Variants in DNAH11 observed in about 807,000 individuals in gnomAD.
The protein encoded by DNAH11 is axonemal beta dynein heavy chain 11.
In DNAH11, 442 loss-of-function variants were observed where a neutral mutation model predicts 526.0. That is an observed-to-expected ratio of 0.84 (90% CI 0.78 to 0.91). The LOEUF is 0.91. DNAH11 is among the 40% of genes least tolerant of loss of function. The pLI is 0.00. For missense variants in DNAH11, 6,989 were observed against 5,448.7 expected (o/e 1.28, Z -8.90); for synonymous variants, 2,461 against 1,935.9 (o/e 1.27, Z -7.12).
chr7:21,790,317 G>T (rs1411088904), intron 61 of DNAH11, among the ~76,000 whole-genome samples: 1 of 151,980 alleles, frequency 6.6e-6, no homozygotes, highest in East Asian at 1.9e-4. Flanking sequence ...GGGCGTCATG[G>T]CGGGTGACTG....
At chr7:21,558,415 A>G (rs1583479599) in intron 2 of DNAH11, among the ~76,000 whole-genome samples, 1 of 152,216 alleles carries the variant, frequency 6.6e-6, no homozygotes, top group Admixed American at 6.5e-5. Flanking sequence ...GCTTGAGAAG[A>G]TTAATTTACT....
At chr7:21,656,982 C>T (rs866586046) in intron 29 of DNAH11, among the ~76,000 whole-genome samples, 3 of 152,064 alleles carry the variant, frequency 2.0e-5, no homozygotes, top group South Asian at 4.2e-4. Context: ...AACTGCTCAC[C>T]GACTGGCATG....
At chr7:21,828,507 A>G (rs533816674) in intron 65 of DNAH11, among the ~76,000 whole-genome samples, 1 of 152,298 alleles carries the variant, frequency 6.6e-6, no homozygotes, top group South Asian at 2.1e-4. Flanking sequence ...GCATTCTCAC[A>G]TTCAGTCATC....
At position 21,880,879 on chromosome 7, in the gene DNAH11, G is replaced by C; in HGVS notation, c.12373G>C (p.Glu4125Gln). ...TGCCAGTGTCCTCTACAACTACTTA[G>C]AGGCAAACTCTAAAGTAAGTGCTAG... is the stretch of plus-strand genomic sequence containing the variant. ...ICASVLYNYL[E>Q]ANSKVPWEDL... Residue 4125 changes from glutamate to glutamine, a missense_variant, in exon 75 of 82, where the codon GAG becomes CAG. By Grantham distance (29) the Glu-to-Gln change is conservative. Transcript: ENST00000409508. The C allele has an allele frequency of 1.2e-6, 2 of 1,604,680 alleles. No individual in the cohort carries two copies. Among genetic ancestry groups the C allele is most frequent in the Non-Finnish European group, 8.5e-7 (1 of 1,177,684 alleles).
At chr7:21,730,841 C>A (rs887747872) in intron 45 of DNAH11, among the ~76,000 whole-genome samples, 1 of 151,866 alleles carries the variant, frequency 6.6e-6, no homozygotes, top group Non-Finnish European at 1.5e-5. Flanking sequence ...AGTATTCTTC[C>A]CATAAAAAAT....
rs1312861023 is a variant in DNAH11 at position 21,901,103 on chromosome 7, T to G, written c.13400T>G (p.Val4467Gly). 1 of 1,613,540 alleles carries G rather than the reference T, an allele frequency of 6.2e-7. No individual in the cohort carries two copies. The highest frequency in any genetic ancestry group is 1.7e-5 in the Admixed American group (1 of 59,940). Residue 4467 changes from valine to glycine, a missense_variant, in exon 82 of 82, where the codon GTG becomes GGG. Val to Gly is a moderately radical substitution (Grantham distance 109). Transcript: ENST00000409508. ...MPVIFAKATP[V>G]DRQETKQTYE... ...GTCATCTTTGCAAAAGCCACCCCCG[T>G]GGACAGACAAGAAACCAAACAGACC...
intron 28 of DNAH11, among the ~76,000 whole-genome samples, chr7:21,642,523 C>T (rs1787176212): frequency 6.6e-6 from 1 of 152,144 alleles, no homozygotes; most frequent in Non-Finnish European, 1.5e-5. Flanking sequence ...AACCACCAGA[C>T]TTAGTCTTTC....
chr7:21,777,908 T>C (rs1787748964), intron 56 of DNAH11, among the ~76,000 whole-genome samples: 1 of 152,232 alleles, frequency 6.6e-6, no homozygotes, highest in African/African-American at 2.4e-5. Context: ...TTCCACAAGA[T>C]GAAACCACTG....
At chr7:21,786,808 C>G in intron 59 of DNAH11, 41 bp downstream of exon 59, 1 of 1,610,596 alleles carries the variant, frequency 6.2e-7, no homozygotes, top group Non-Finnish European at 8.5e-7. Context: ...CTGATAATTT[C>G]CATACTGTTT....
At chr7:21,801,068 T>A (rs1173758337) in intron 61 of DNAH11, 69 bp from the exon 62 acceptor site, 3 of 1,508,600 alleles carry the variant, frequency 2.0e-6, no homozygotes, top group African/African-American at 2.8e-5. Flanking sequence ...GTAACAGATG[T>A]TTTAAGATGA....
chr7:21,553,504 C>T (rs924100623), intron 2 of DNAH11, among the ~76,000 whole-genome samples: 8 of 152,156 alleles, frequency 5.3e-5, no homozygotes, highest in East Asian at 1.9e-4. Flanking sequence ...TCTTCTCCCT[C>T]GGGTCCCACC....
At chr7:21,803,360 C>G (rs1789082290) in intron 62 of DNAH11, among the ~76,000 whole-genome samples, 1 of 152,178 alleles carries the variant, frequency 6.6e-6, no homozygotes, top group African/African-American at 2.4e-5. Context: ...TGCCCTCTGC[C>G]TCTCCACGCT....
chr7:21,554,485 T>C (rs902010616), intron 2 of DNAH11, among the ~76,000 whole-genome samples: 3 of 152,010 alleles, frequency 2.0e-5, no homozygotes, highest in Non-Finnish European at 2.9e-5. Flanking sequence ...CTTGGGATCA[T>C]TATTATCTCG....
In DNAH11 at chr7:21,637,649, AG is replaced by A; in HGVS notation, c.4765del (p.Glu1589LysfsTer35). ...AGACAGCCAAAGTAGAAAATGTGTT[AG>A]AAGCAACGTGCAGACCTAATCTCTA... ...FKTAKVENVL[E>X]ATCRPNLYEK... On this transcript the variant is annotated frameshift_variant, in exon 27 of 82. Transcript: ENST00000409508. LOFTEE classifies it high-confidence loss of function. The A allele has an allele frequency of 6.3e-7, 1 of 1,589,964 alleles. No individual in the cohort carries two copies. Among genetic ancestry groups the A allele is most frequent in the Non-Finnish European group, 8.6e-7 (1 of 1,167,302 alleles).
At chr7:21,556,999 G>A (rs1287854380) in intron 2 of DNAH11, among the ~76,000 whole-genome samples, 8 of 151,850 alleles carry the variant, frequency 5.3e-5, no homozygotes, top group Admixed American at 5.3e-4. Flanking sequence ...AGACATGGAG[G>A]ATGGAGTGAC....
At chr7:21,663,253 G>C (rs1562737651) in intron 30 of DNAH11, among the ~76,000 whole-genome samples, 1 of 151,998 alleles carries the variant, frequency 6.6e-6, no homozygotes, top group Non-Finnish European at 1.5e-5. Flanking sequence ...GATTCCGTAA[G>C]TTTGCTATTG....
intron 75 of DNAH11, among the ~76,000 whole-genome samples, chr7:21,882,840 TGAAAA>T (rs1415549130): frequency 1.3e-5 from 2 of 151,668 alleles, no homozygotes; most frequent in Admixed American, 6.6e-5. Context: ...AAATAATTAT[TGAAAA>T]GAACAGATAA....
chr7:21,889,754 C>G (rs1055664778), intron 76 of DNAH11, among the ~76,000 whole-genome samples: 2 of 152,182 alleles, frequency 1.3e-5, no homozygotes, highest in Admixed American at 6.5e-5. Flanking sequence ...ACAGCTTTCT[C>G]AGACAAACCT....
chr7:21,758,208 C>T (rs1398666180), intron 54 of DNAH11, among the ~76,000 whole-genome samples: 1 of 152,178 alleles, frequency 6.6e-6, no homozygotes, highest in African/African-American at 2.4e-5. Flanking sequence ...GGATACAGTG[C>T]TCTAGTCTCT....
Sources: allele counts gnomAD v4.1 joint callset (sites outside exome capture counted in the v4.1 genomes callset), GRCh38; gene constraint gnomAD v4.1.1; transcripts MANE v1.5; gene names NCBI Gene and HGNC (gene_info 2026-07-23, HGNC 2026-07-21).